The following RCAN2 variants were observed in gnomAD, a reference collection of about 807,000 sequenced individuals.
RCAN2 encodes regulator of calcineurin 2.
In RCAN2, 9 loss-of-function variants were observed where a neutral mutation model predicts 23.6. The observed-to-expected ratio is 0.38, with a 90% CI of 0.23 to 0.67. The LOEUF is 0.67. RCAN2 is among the 30% of genes least tolerant of loss of function. RCAN2 has a pLI of 0.51. For missense variants in RCAN2, 273 were observed against 302.3 expected (o/e 0.90, Z 0.72); for synonymous variants, 109 against 115.7 (o/e 0.94, Z 0.37).
At chr6:46,473,178 G>T (rs1231215834) in intron 1 of RCAN2, among the ~76,000 whole-genome samples, 1 of 152,104 alleles carries the variant, frequency 6.6e-6, no homozygotes, top group Non-Finnish European at 1.5e-5. Flanking sequence ...CATTTATGTG[G>T]TCTCTTATTA....
At chr6:46,486,757 G>A (rs1452578182) in intron 1 of RCAN2, among the ~76,000 whole-genome samples, 1 of 152,118 alleles carries the variant, frequency 6.6e-6, no homozygotes, top group African/African-American at 2.4e-5. Flanking sequence ...GATCAGATAT[G>A]AAAATAAGGC....
intron 2 of RCAN2, among the ~76,000 whole-genome samples, chr6:46,387,901 A>C (rs369899526): frequency 1.3e-5 from 2 of 152,264 alleles, no homozygotes; most frequent in Non-Finnish European, 1.5e-5. Context: ...GGCACATATA[A>C]ACCATGGAAT....
intron 2 of RCAN2, among the ~76,000 whole-genome samples, chr6:46,280,760 C>T (rs986774081): frequency 1.3e-5 from 2 of 152,108 alleles, no homozygotes; most frequent in Non-Finnish European, 2.9e-5. Context: ...TCCTTCTCCT[C>T]TTCAATAAAG....
intron 2 of RCAN2, among the ~76,000 whole-genome samples, chr6:46,335,541 G>A (rs770821337): frequency 6.6e-6 from 1 of 152,142 alleles, no homozygotes; most frequent in Non-Finnish European, 1.5e-5. Context: ...GTTTTCAAAT[G>A]ATTCCATGGA....
At chr6:46,268,532 C>T (rs1340610091) in intron 2 of RCAN2, among the ~76,000 whole-genome samples, 1 of 152,086 alleles carries the variant, frequency 6.6e-6, no homozygotes, top group African/African-American at 2.4e-5. Context: ...TAACATTTTA[C>T]ATTGTGTGAG....
chr6:46,259,931 C>T lies in RCAN2; in HGVS notation c.226-11035G>A, dbSNP rs537407297. On this transcript the variant is annotated intron_variant, in intron 2 of 4. Coordinates refer to ENST00000371374, the MANE Select transcript of RCAN2 (RefSeq NM_001251974.2). ...ATAGAGCAAGGTATGCGAGAAGGGG[C>T]ACTGGGCTTCCATGCTCCTCTCTGG... Among the ~76,000 whole-genome samples the T allele has an allele frequency of 5.9e-5, 9 of 152,326 alleles. No individual in the cohort carries two copies. The East Asian group carries it at 1.7e-3, about 29-fold the overall frequency.
intron 2 of RCAN2, among the ~76,000 whole-genome samples, chr6:46,283,817 A>G (rs929222843): frequency 6.6e-6 from 1 of 152,172 alleles, no homozygotes; most frequent in Non-Finnish European, 1.5e-5. Flanking sequence ...AATATTACAA[A>G]CTCATCACAC....
chr6:46,230,592 T>C (rs188297584), intron 4 of RCAN2, among the ~76,000 whole-genome samples: 17 of 152,236 alleles, frequency 1.1e-4, no homozygotes, highest in African/African-American at 4.1e-4. Context: ...CAGGATATAA[T>C]CTCCTGGTGT....
intron 1 of RCAN2, among the ~76,000 whole-genome samples, chr6:46,458,559 C>T (rs73735761): frequency 2.0e-5 from 3 of 151,950 alleles, no homozygotes; most frequent in African/African-American, 7.3e-5. Context: ...CCAATTAGCG[C>T]ATTTCCATAT....
chr6:46,379,716 G>C (rs1398548409), intron 2 of RCAN2, among the ~76,000 whole-genome samples: 1 of 152,146 alleles, frequency 6.6e-6, no homozygotes, highest in East Asian at 1.9e-4. Context: ...ACCCGACTCT[G>C]CAGCCTTAAT....
intron 2 of RCAN2, among the ~76,000 whole-genome samples, chr6:46,270,967 G>C (rs2150332883): frequency 6.6e-6 from 1 of 152,324 alleles, no homozygotes; most frequent in Non-Finnish European, 1.5e-5. Flanking sequence ...ATACATCCTT[G>C]TGAGAGTCCC....
rs1432536781 is a variant in RCAN2, at chr6:46,221,102, A to T, written c.*2039T>A. ...ACTAACTCCAGAGGCCATACACTTC[A>T]TTGTGTTTCTTTTATGACTACACAG... On this transcript the variant is annotated 3_prime_UTR_variant, in exon 5 of 5. Coordinates refer to ENST00000371374, the MANE Select transcript of RCAN2 (RefSeq NM_001251974.2). The T allele has an allele frequency of 6.6e-6, 1 of 152,452 alleles. No individual in the cohort carries two copies. Among genetic ancestry groups the T allele is most frequent in the Admixed American group, 6.5e-5 (1 of 15,278 alleles). 9.4% of individuals were successfully genotyped at this position (152,452 alleles called of 1,614,324 possible). A position where few individuals can be genotyped will look rare whatever the true frequency, so the allele number is the denominator to read the frequency against.
At chr6:46,464,200 C>T (rs1306401792) in intron 1 of RCAN2, among the ~76,000 whole-genome samples, 1 of 152,020 alleles carries the variant, frequency 6.6e-6, no homozygotes, top group African/African-American at 2.4e-5. Flanking sequence ...CTATATTTTT[C>T]AATTGAATAT....
chr6:46,306,845 AC>A (rs1032297796), intron 2 of RCAN2, among the ~76,000 whole-genome samples: 9 of 151,990 alleles, frequency 5.9e-5, no homozygotes, highest in Non-Finnish European at 1.0e-4. Context: ...GACCTGCCCT[AC>A]TTTTTTTCTC....
intron 2 of RCAN2, among the ~76,000 whole-genome samples, chr6:46,411,851 A>G (rs1213244087): frequency 6.6e-6 from 1 of 152,192 alleles, no homozygotes; most frequent in African/African-American, 2.4e-5. Flanking sequence ...GAGAATGGTT[A>G]GAGATAAAGT....
intron 1 of RCAN2, among the ~76,000 whole-genome samples, chr6:46,470,084 T>A (rs1045174377): frequency 1.3e-5 from 2 of 152,238 alleles, no homozygotes; most frequent in Admixed American, 1.3e-4. Context: ...TCAGATATTT[T>A]AAAAATTGTC....
At position 46,491,391 on chromosome 6, in the gene RCAN2, G is replaced by C. The variant is rs1769146117; in HGVS notation, c.-221C>G. 6.6e-6 allele frequency: 1 copy of C among 152,352 alleles called. No homozygotes were observed. The highest frequency in any genetic ancestry group is 6.6e-5 in the Admixed American group (1 of 15,264). 9.4% of individuals were successfully genotyped at this position (152,352 alleles called of 1,614,324 possible). A position where few individuals can be genotyped will look rare whatever the true frequency, so the allele number is the denominator to read the frequency against. On this transcript the variant is annotated 5_prime_UTR_variant, in exon 1 of 5. Transcript: ENST00000371374. The stretch of plus-strand genomic sequence containing the variant: ...TGCCGCCGTGGGTCAGTGGGATTCT[G>C]CCTGCTGCCCGCTCCTCCCCGCAAC...
intron 1 of RCAN2, among the ~76,000 whole-genome samples, chr6:46,487,604 T>C (rs1769030720): frequency 6.6e-6 from 1 of 152,202 alleles, no homozygotes; most frequent in African/African-American, 2.4e-5. Context: ...ATTGCCCCAG[T>C]TTCTCAGACA....
chr6:46,240,347 A>C (rs1027046590), intron 4 of RCAN2, among the ~76,000 whole-genome samples: 1 of 152,196 alleles, frequency 6.6e-6, no homozygotes, highest in African/African-American at 2.4e-5. Context: ...CAATGTACAC[A>C]GTTTACCTGT....
Sources: allele counts gnomAD v4.1 joint callset (sites outside exome capture counted in the v4.1 genomes callset), GRCh38; gene constraint gnomAD v4.1.1; transcripts MANE v1.5; gene names NCBI Gene and HGNC (gene_info 2026-07-23, HGNC 2026-07-21).